The following PRKN variants were observed in gnomAD, a reference collection of about 807,000 sequenced individuals.
PRKN encodes the protein E3 ubiquitin-protein ligase parkin.
In PRKN, 56 loss-of-function variants were observed where a neutral mutation model predicts 59.5. That is an observed-to-expected ratio of 0.94 (90% confidence interval 0.76 to 1.18). The LOEUF (loss-of-function observed/expected upper bound fraction) is 1.18. Ranked by LOEUF, PRKN falls within the 50% of genes most tolerant of loss-of-function variation. The probability of loss-of-function intolerance (pLI) is 0.00; values close to 1 mark genes in which losing one functional copy is unlikely to be tolerated. For synonymous variants in PRKN, 250 were observed against 222.1 expected (o/e 1.13, Z -1.12); for missense variants, 657 against 596.4 (o/e 1.10, Z -1.06).
At position 161,419,928 on chromosome 6, in the gene PRKN, T is replaced by A. The variant is rs577752560; in HGVS notation, c.1084-33051A>T. 2.5e-4 allele frequency among the ~76,000 whole-genome samples: 38 copies of A among 152,084 alleles called. No individual in the cohort carries two copies. Among genetic ancestry groups the A allele is most frequent in the Non-Finnish European group, 4.4e-4 (30 of 67,998 alleles). On this transcript the variant is annotated intron_variant, in intron 9 of 11. Transcript: ENST00000366898. This position sits in a 1 kb window ranked among gnomAD's most constrained non-coding sequence, Gnocchi z 4.1. ...AGTTCCTAGCACTGCGCCTGGCACG[T>A]AAAAGGCACTTGTTTAAGAACTTGA...
intron 2 of PRKN, among the ~76,000 whole-genome samples, chr6:162,393,029 A>T (rs1005940935): frequency 3.3e-5 from 5 of 151,978 alleles, no homozygotes; most frequent in Admixed American, 2.6e-4. Flanking sequence ...AGCTCTGCGC[A>T]TCTCACATTA....
chr6:162,507,490 C>A (rs1432925884), intron 1 of PRKN, among the ~76,000 whole-genome samples: 1 of 152,078 alleles, frequency 6.6e-6, no homozygotes, highest in Non-Finnish European at 1.5e-5. Flanking sequence ...CTCCTTTTGC[C>A]AGCACCATAT....
chr6:161,906,352 A>G (rs1778144080), intron 6 of PRKN, among the ~76,000 whole-genome samples: 1 of 152,186 alleles, frequency 6.6e-6, no homozygotes, highest in Admixed American at 6.5e-5. Context: ...ATGTTGAAAG[A>G]AACTTCTTCT....
At chr6:161,997,850 A>T (rs1781903078) in intron 5 of PRKN, among the ~76,000 whole-genome samples, 1 of 152,094 alleles carries the variant, frequency 6.6e-6, no homozygotes, top group African/African-American at 2.4e-5. Context: ...TGAATGTATC[A>T]TTACTTGGCT....
intron 4 of PRKN, among the ~76,000 whole-genome samples, chr6:162,150,893 A>G (rs980391505): frequency 6.6e-6 from 1 of 151,974 alleles, no homozygotes; most frequent in Admixed American, 6.6e-5. Flanking sequence ...CAATTATTGA[A>G]CCTCAATTCA....
chr6:162,252,895 T>C (rs1478721271), intron 3 of PRKN, among the ~76,000 whole-genome samples: 3 of 152,230 alleles, frequency 2.0e-5, no homozygotes, highest in Non-Finnish European at 4.4e-5. Flanking sequence ...AATAAACAAA[T>C]GTTGTTTTCA....
At chr6:161,774,265 T>C (rs550499300) in intron 7 of PRKN, among the ~76,000 whole-genome samples, 4 of 152,204 alleles carry the variant, frequency 2.6e-5, no homozygotes, top group East Asian at 1.9e-4. Flanking sequence ...ATAAATGTTA[T>C]GTTTCGCCCT....
intron 1 of PRKN, among the ~76,000 whole-genome samples, chr6:162,583,721 T>C (rs1780883010): frequency 1.3e-5 from 2 of 152,182 alleles, no homozygotes; most frequent in South Asian, 4.1e-4. Flanking sequence ...TACATGAGCA[T>C]ATTTAAGGAC....
intron 1 of PRKN, among the ~76,000 whole-genome samples, chr6:162,483,170 A>G (rs1792382717): frequency 6.6e-6 from 1 of 152,188 alleles, no homozygotes; most frequent in South Asian, 2.1e-4. Flanking sequence ...TTTATCTGCC[A>G]TATGCACAAA....
chr6:162,339,756 A>C (rs1013136463), intron 2 of PRKN, among the ~76,000 whole-genome samples: 1 of 151,918 alleles, frequency 6.6e-6, no homozygotes, highest in Non-Finnish European at 1.5e-5. Context: ...TGTAGAAAGA[A>C]GTAGACATGG....
intron 6 of PRKN, among the ~76,000 whole-genome samples, chr6:161,799,167 G>T (rs1467542650): frequency 6.6e-6 from 1 of 152,136 alleles, no homozygotes; most frequent in Non-Finnish European, 1.5e-5. Context: ...CTTCCTATTT[G>T]GCCCTTATCA....
chr6:161,966,529 C>T (rs1359835032), intron 6 of PRKN, among the ~76,000 whole-genome samples: 1 of 152,154 alleles, frequency 6.6e-6, no homozygotes, highest in African/African-American at 2.4e-5. Flanking sequence ...AAGTCCTGAA[C>T]CTTCTGTTGT....
intron 1 of PRKN, among the ~76,000 whole-genome samples, chr6:162,491,812 T>C (rs1409442317): frequency 1.3e-5 from 2 of 152,202 alleles, no homozygotes; most frequent in Non-Finnish European, 2.9e-5. Flanking sequence ...CATGGCTCCA[T>C]GTCTTGATAA....
rs193072534 is a variant in PRKN at position 162,075,591 on chromosome 6, A to G, written c.535-21417T>C. On this transcript the variant is annotated intron_variant, in intron 4 of 11. Transcript: ENST00000366898. Reference sequence around the variant, plus strand: ...TACTGCCCGTGAATATGTATCATCAATCTGGGCTGACTATCTTGACCACTG... The same window carrying G: ...TACTGCCCGTGAATATGTATCATCAGTCTGGGCTGACTATCTTGACCACTG... Among the ~76,000 whole-genome samples the G allele has an allele frequency of 3.6e-4, 55 of 152,010 alleles. No individual in the cohort carries two copies. The East Asian group carries it at 7.3e-3, about 20-fold the overall frequency.
chr6:162,353,177 C>G (rs1004940201), intron 2 of PRKN, among the ~76,000 whole-genome samples: 3 of 152,068 alleles, frequency 2.0e-5, no homozygotes, highest in African/African-American at 7.2e-5. Flanking sequence ...AGTCAGCTTC[C>G]CATATTTTCC....
chr6:161,488,336 C>T lies in PRKN; in HGVS notation c.1083+60518G>A, dbSNP rs1392242214. 1.3e-5 allele frequency among the ~76,000 whole-genome samples: 2 copies of T among 152,140 alleles called. No homozygotes were observed. Among genetic ancestry groups the T allele is most frequent in the African/African-American group, 4.8e-5 (2 of 41,440 alleles). The stretch of plus-strand genomic sequence containing the variant: ...GGGCCGAGGACAGAAGGCCAGGTCA[C>T]ATAGGTCTTTGTAGTGTGAGAAGAA... On this transcript the variant is annotated intron_variant, in intron 9 of 11. Coordinates refer to ENST00000366898, the MANE Select transcript of PRKN (RefSeq NM_004562.3). This position sits in a 1 kb window ranked among gnomAD's most constrained non-coding sequence, Gnocchi z 4.5.
In PRKN at chr6:161,968,009, A is replaced by G. The variant is rs996172917; in HGVS notation, c.734+5293T>C. 2.0e-5 allele frequency among the ~76,000 whole-genome samples: 3 copies of G among 151,850 alleles called. No individual in the cohort carries two copies. In the South Asian group the frequency reaches 6.2e-4, roughly 32 times the overall value. On this transcript the variant is annotated intron_variant, in intron 6 of 11. Transcript: ENST00000366898. Reference sequence around the variant, plus strand: ...GGGAAGATATAAGCCAGTGATGGACATTATCAGTGTGGGGCCTTTTTTTTC... The same window carrying G: ...GGGAAGATATAAGCCAGTGATGGACGTTATCAGTGTGGGGCCTTTTTTTTC...
At chr6:161,969,146 G>A (rs1396510326) in intron 6 of PRKN, among the ~76,000 whole-genome samples, 1 of 152,062 alleles carries the variant, frequency 6.6e-6, no homozygotes, top group Non-Finnish European at 1.5e-5. Flanking sequence ...GTGACAATAT[G>A]GATCAAGAAC....
intron 5 of PRKN, among the ~76,000 whole-genome samples, chr6:161,974,289 C>T (rs78148447): frequency 0.02 from 3,121 of 152,246 alleles, 44 homozygotes; most frequent in Non-Finnish European, 0.033. Flanking sequence ...CCAGCCCCAT[C>T]TGGAGTCTGC....
Sources: gnomAD v4.1 joint callset for allele counts (sites outside exome capture counted in the v4.1 genomes callset) on GRCh38, gnomAD v4.1.1 for gene constraint, Gnocchi (gnomAD v3.1) non-coding constraint, MANE v1.5 for transcripts, NCBI Gene and HGNC (gene_info 2026-07-23, HGNC 2026-07-21) for gene names.